FCRL6: variants seen among roughly 807,000 people sequenced by gnomAD.
FCRL6 encodes Fc receptor like 6.
In FCRL6, 50 loss-of-function variants were observed where a neutral mutation model predicts 49.1. That is an observed-to-expected ratio of 1.02 (90% CI 0.81 to 1.29). The LOEUF is 1.29. Among genes scored for constraint, FCRL6 ranks in the 50% most tolerant of loss-of-function variants. The probability of loss-of-function intolerance (pLI) is 0.00; values close to 1 mark genes in which losing one functional copy is unlikely to be tolerated. For synonymous variants in FCRL6, 213 were observed against 199.6 expected (o/e 1.07, Z -0.57); for missense variants, 571 against 518.5 (o/e 1.10, Z -0.98).
Position 159,814,248 on chromosome 1 carries a change from G to C in FCRL6, c.1103G>C (p.Gly368Ala). The C allele has an allele frequency of 6.2e-7, 1 of 1,614,176 alleles. No individual in the cohort carries two copies. The highest frequency in any genetic ancestry group is 1.3e-5 in the African/African-American group (1 of 75,054). ...CATCACCAGAAAGGGAAAGATGAAG[G>C]TGTTGTCTACTCTGTGGTGCATAGA... ...NVHHQKGKDEGVVYSVVHRTS... is the reference protein window; with the variant it reads ...NVHHQKGKDEAVVYSVVHRTS... Residue 368 changes from glycine to alanine, a missense_variant, in exon 8 of 10, where the codon GGT becomes GCT. By Grantham distance (60) the Gly-to-Ala change is moderately conservative (BLOSUM62 0). Transcript: ENST00000368106.
At chr1:159,809,989 C>A in intron 5 of FCRL6, 105 bp from the exon 6 acceptor site, 1 of 1,392,024 alleles carries the variant, frequency 7.2e-7, no homozygotes, top group Non-Finnish European at 9.7e-7. Context: ...CCAGGCCAGA[C>A]GGTTCCCCTA....
intron 6 of FCRL6, among the ~76,000 whole-genome samples, chr1:159,812,259 G>A (rs543836925): frequency 3.3e-5 from 5 of 152,236 alleles, no homozygotes; most frequent in South Asian, 2.1e-4. Context: ...CCTTAGCTAC[G>A]CAGGAAAAAC....
chr1:159,814,989 G>A (rs1269668193), intron 8 of FCRL6, among the ~76,000 whole-genome samples: 2 of 152,198 alleles, frequency 1.3e-5, no homozygotes, highest in African/African-American at 2.4e-5. Context: ...AAGTTGTTAG[G>A]AATAGAACCT....
In FCRL6 at chr1:159,808,393, A is replaced by G. The variant is rs765055607; in HGVS notation, c.268A>G (p.Ile90Val). ...CAGCTGCTCTGGGCAGGTGATGTATATTCCACAGACATTCACACAAACTTC... is the reference window on the plus strand; with the variant it reads ...CAGCTGCTCTGGGCAGGTGATGTATGTTCCACAGACATTCACACAAACTTC... ...QYSCSGQVMY[I>V]PQTFTQTSET... is the part of the protein sequence containing the mutation. Residue 90 changes from isoleucine to valine, a missense_variant, in exon 3 of 10, where the codon ATT becomes GTT. Physicochemically the swap from Ile to Val is conservative, Grantham distance 29 (BLOSUM62 3). Coordinates refer to ENST00000368106, the MANE Select transcript of FCRL6 (RefSeq NM_001004310.3). 3 of 1,614,192 alleles carry G rather than the reference A, an allele frequency of 1.9e-6. No individual in the cohort carries two copies. In the South Asian group the frequency reaches 3.3e-5, roughly 18 times the overall value.
chr1:159,813,607 C>T, intron 7 of FCRL6, 53 bp downstream of exon 7: 1 of 1,520,982 alleles, frequency 6.6e-7, no homozygotes, highest in Admixed American at 1.7e-5. Flanking sequence ...AAAAGAGCTT[C>T]TTAAGGGAAG....
intron 1 of FCRL6, among the ~76,000 whole-genome samples, chr1:159,804,294 C>T (rs745349688): frequency 2.8e-4 from 43 of 152,160 alleles, no homozygotes; most frequent in Non-Finnish European, 5.9e-4. Context: ...CATTTCTGTC[C>T]TATAAAGTAA....
rs1037974203 is a variant in FCRL6, at chr1:159,816,122, T to G, written c.*461T>G. ...GCCTTAACATCATAACACAACACAT[T>G]TCTCACGCGTTTGTGGTGATGCTGG... On this transcript the variant is annotated 3_prime_UTR_variant, in exon 10 of 10. Coordinates refer to ENST00000368106, the MANE Select transcript of FCRL6 (RefSeq NM_001004310.3). 6.1e-5 allele frequency: 11 copies of G among 179,660 alleles called. No homozygotes were observed. The highest frequency in any genetic ancestry group is 2.3e-4 in the African/African-American group (10 of 42,818). 11.1% of individuals were successfully genotyped at this position (179,660 alleles called of 1,614,324 possible).
chr1:159,808,547 C>G (rs1258803749), intron 3 of FCRL6, 103 bp downstream of exon 3: 1 of 1,429,338 alleles, frequency 7.0e-7, no homozygotes, highest in African/African-American at 1.4e-5. Context: ...CTCTGGCTGC[C>G]CCTCATGCTG....
At chr1:159,806,347 T>C (rs1308028503) in intron 1 of FCRL6, among the ~76,000 whole-genome samples, 1 of 151,570 alleles carries the variant, frequency 6.6e-6, no homozygotes, top group Non-Finnish European at 1.5e-5. Flanking sequence ...AGTGGCCGGG[T>C]GGTTGGGTGG....
intron 2 of FCRL6, 118 bp downstream of exon 2, chr1:159,806,734 T>A: frequency 9.8e-7 from 1 of 1,020,678 alleles, no homozygotes; most frequent in Non-Finnish European, 1.6e-6. Flanking sequence ...AGCACCAGAC[T>A]AGGCCCCTTC....
rs192888418 is a variant in FCRL6, at chr1:159,815,301, G to A, written c.1148-127G>A. ...TCCCAATTCCAGGTTGAGGAGGAGT[G>A]AAAGGAATCTCCCCTGGCTGGCTTC... On this transcript the variant is annotated intron_variant, in intron 8 of 9. Transcript: ENST00000368106. 3.0e-5 allele frequency: 28 copies of A among 943,782 alleles called. No individual in the cohort carries two copies. In the African/African-American group the frequency reaches 4.0e-4, roughly 13 times the overall value. 58.5% of individuals were successfully genotyped at this position (943,782 alleles called of 1,614,324 possible). A position where few individuals can be genotyped will look rare whatever the true frequency, so the allele number is the denominator to read the frequency against.
In FCRL6 at chr1:159,802,428, C is replaced by A. The variant is rs1662394483; in HGVS notation, c.4C>A (p.Leu2Met). The change falls in exon 1 of 10, where the codon CTG (leucine) becomes ATG (methionine). Residue 2 changes from leucine to methionine, a missense_variant. Leu to Met is a conservative substitution (Grantham distance 15). Coordinates refer to ENST00000368106, the MANE Select transcript of FCRL6 (RefSeq NM_001004310.3). M[L>M]LWTAVLLFVP... ...CCGCTGTGCCAGAACAGGCCCCATG[C>A]TGCTCTGGACGGCTGTGCTGCTCTT... is the stretch of plus-strand genomic sequence containing the variant. The A allele has an allele frequency of 6.2e-7, 1 of 1,613,956 alleles. No individual in the cohort carries two copies. Among genetic ancestry groups the A allele is most frequent in the East Asian group, 2.2e-5 (1 of 44,882 alleles).
chr1:159,810,465 G>A (rs765467492), intron 6 of FCRL6, among the ~76,000 whole-genome samples: 21 of 151,960 alleles, frequency 1.4e-4, no homozygotes, highest in African/African-American at 5.1e-4. Flanking sequence ...ACACACAACC[G>A]CACACTCAGG....
rs1663371026 is a variant in FCRL6 at position 159,815,749 on chromosome 1, T to A, written c.*88T>A. The stretch of plus-strand genomic sequence containing the variant: ...TGGGGTCCTCAACTCTTTCTGTGGG[T>A]CCTTCAGTTCCCAAGCCCAGCATCA... On this transcript the variant is annotated 3_prime_UTR_variant, in exon 10 of 10. Coordinates refer to ENST00000368106, the MANE Select transcript of FCRL6 (RefSeq NM_001004310.3). The A allele has an allele frequency of 1.3e-6, 2 of 1,514,900 alleles. No homozygotes were observed. The highest frequency in any genetic ancestry group is 2.3e-5 in the East Asian group (1 of 44,100). The allele number at this position is 1,514,900 out of a possible 1,614,324, so 93.8% of individuals were successfully genotyped here. A position where few individuals can be genotyped will look rare whatever the true frequency, so the allele number is the denominator to read the frequency against.
chr1:159,806,967 T>C (rs1662735316), intron 2 of FCRL6, among the ~76,000 whole-genome samples: 1 of 152,206 alleles, frequency 6.6e-6, no homozygotes, highest in Non-Finnish European at 1.5e-5. Flanking sequence ...CCTTTTATGT[T>C]CAGAGAAGCA....
At position 159,806,702 on chromosome 1, in the gene FCRL6, C is replaced by A. The variant is rs576488123; in HGVS notation, c.52+86C>A. The A allele has an allele frequency of 5.2e-6, 7 of 1,336,636 alleles. No individual in the cohort carries two copies. The African/African-American group carries it at 7.2e-5, about 14-fold the overall frequency. The allele number at this position is 1,336,636 out of a possible 1,614,324, so 82.8% of individuals were successfully genotyped here. ...TGGGAACAGGACAGTGCCATGGGGT[C>A]CCCCAGAAACATCTGCAGAGCAGCA... is the stretch of plus-strand genomic sequence containing the variant. On this transcript the variant is annotated intron_variant, in intron 2 of 9. Transcript: ENST00000368106.
At chr1:159,811,382 T>C (rs944384445) in intron 6 of FCRL6, among the ~76,000 whole-genome samples, 3 of 152,226 alleles carry the variant, frequency 2.0e-5, no homozygotes, top group African/African-American at 7.2e-5. Flanking sequence ...AAAGTGATTG[T>C]TCTCATAGAC....
intron 6 of FCRL6, among the ~76,000 whole-genome samples, chr1:159,812,578 CAT>C (rs1204764436): frequency 6.6e-6 from 1 of 152,194 alleles, no homozygotes; most frequent in Non-Finnish European, 1.5e-5. Context: ...CTGTCAAACT[CAT>C]GGAACTCTTC....
Position 159,809,887 on chromosome 1 carries a change from C to T in FCRL6, c.886+204C>T, listed in dbSNP as rs530095131. Reference sequence around the variant, plus strand: ...AGTCCATGGAGAGTGGGGAGCCTCACGGGGGGAGCAGTCACGTGGTCACTC... The same window carrying T: ...AGTCCATGGAGAGTGGGGAGCCTCATGGGGGGAGCAGTCACGTGGTCACTC... On this transcript the variant is annotated intron_variant, in intron 5 of 9. Coordinates refer to ENST00000368106, the MANE Select transcript of FCRL6 (RefSeq NM_001004310.3). Among the ~76,000 whole-genome samples, 3 of 152,198 alleles carry T rather than the reference C, an allele frequency of 2.0e-5. No homozygotes were observed. The South Asian group carries it at 6.2e-4, about 32-fold the overall frequency.
Sources: gnomAD v4.1 joint callset for allele counts (sites outside exome capture counted in the v4.1 genomes callset) on GRCh38, gnomAD v4.1.1 for gene constraint, MANE v1.5 for transcripts, NCBI Gene and HGNC (gene_info 2026-07-23, HGNC 2026-07-21) for gene names.